Variants in DOCK2 observed in about 807,000 individuals in gnomAD.
DOCK2 encodes the protein dedicator of cytokinesis 2, also known as dedicator of cytokinesis protein 2.
DOCK2 carries 87 observed loss-of-function variants against 248.9 expected under a neutral mutation model. The ratio of observed to expected loss-of-function variants is 0.35; its 90% CI spans 0.29 to 0.42. DOCK2 has a LOEUF of 0.42. DOCK2 is among the 10% of genes least tolerant of loss of function. The probability of loss-of-function intolerance (pLI) is 1.00; values close to 1 mark genes in which losing one functional copy is unlikely to be tolerated. For synonymous variants in DOCK2, 805 were observed against 821.6 expected (o/e 0.98, Z 0.35); for missense variants, 1,747 against 2,300.2 (o/e 0.76, Z 4.92).
chr5:169,637,478 T>A (rs989998081), intron 1 of DOCK2, 109 bp downstream of exon 1: 2 of 1,208,660 alleles, frequency 1.7e-6, no homozygotes, highest in Non-Finnish European at 2.1e-6. Flanking sequence ...GCGCGCTGCC[T>A]GCAGGTCAGA....
At chr5:169,982,027 A>T (rs1288120381) in intron 27 of DOCK2, among the ~76,000 whole-genome samples, 1 of 149,920 alleles carries the variant, frequency 6.7e-6, no homozygotes, top group African/African-American at 2.5e-5. Context: ...CAAAAGAGGA[A>T]CTTTTTTATA....
At chr5:170,023,478 T>C (rs1755800464) in intron 33 of DOCK2, among the ~76,000 whole-genome samples, 1 of 152,196 alleles carries the variant, frequency 6.6e-6, no homozygotes, top group Admixed American at 6.5e-5. Context: ...CAGATAGACC[T>C]ACTTCTTATA....
In DOCK2 at chr5:169,645,395, A is replaced by T. The variant is rs944711779; in HGVS notation, c.43+8026A>T. Reference sequence around the variant, plus strand: ...GATCAGTGGTGTTGAGCGTTTTTTCATGTTTGTTGGCCACATAAATGTCTT... The same window carrying T: ...GATCAGTGGTGTTGAGCGTTTTTTCTTGTTTGTTGGCCACATAAATGTCTT... On this transcript the variant is annotated intron_variant, in intron 1 of 51. Transcript: ENST00000520908. Among the ~76,000 whole-genome samples, 39 of 152,038 alleles carry T rather than the reference A, an allele frequency of 2.6e-4. 1 individual carries two copies.
At chr5:170,020,552 C>G (rs1755685401) in intron 33 of DOCK2, among the ~76,000 whole-genome samples, 1 of 152,192 alleles carries the variant, frequency 6.6e-6, no homozygotes, top group Non-Finnish European at 1.5e-5. Context: ...TCTTTTTAAA[C>G]TACAACTCTG....
intron 27 of DOCK2, among the ~76,000 whole-genome samples, chr5:169,958,444 G>T (rs576408577): frequency 6.6e-6 from 1 of 152,284 alleles, no homozygotes; most frequent in African/African-American, 2.4e-5. Context: ...GGTTTAGAAT[G>T]TTCTGCTTGA....
chr5:169,869,159 C>G (rs1006947420), intron 27 of DOCK2, among the ~76,000 whole-genome samples: 34 of 152,230 alleles, frequency 2.2e-4, no homozygotes, highest in African/African-American at 7.5e-4. Context: ...CATCAACCTT[C>G]AGCTCTTCAG....
At chr5:169,884,475 A>C (rs759659805) in intron 27 of DOCK2, 1 of 152,236 alleles carries the variant, frequency 6.6e-6, no homozygotes, top group Non-Finnish European at 1.5e-5. Flanking sequence ...TGCTTGTTTG[A>C]TGATACATGA....
At chr5:169,995,888 T>C (rs546922489) in intron 29 of DOCK2, among the ~76,000 whole-genome samples, 198 bp from the exon 30 acceptor site, 11 of 152,374 alleles carry the variant, frequency 7.2e-5, no homozygotes, top group South Asian at 6.2e-4. Context: ...CGAACAGTTA[T>C]TGAGTTCTTG....
intron 28 of DOCK2, among the ~76,000 whole-genome samples, chr5:169,983,752 T>C (rs1245352455): frequency 6.6e-6 from 1 of 152,176 alleles, no homozygotes; most frequent in African/African-American, 2.4e-5. Flanking sequence ...GTCTTGTTGC[T>C]ACCAGGTTCA....
In DOCK2 at chr5:169,916,536, C is replaced by A. The variant is rs548773428; in HGVS notation, c.2800-66532C>A. On this transcript the variant is annotated intron_variant, in intron 27 of 51. Transcript: ENST00000520908. ...CTGCCACTGACTAGCTATTGGGCAA[C>A]CTTCCTGTGCCTCCCTTATTTATAA... 1.8e-4 allele frequency among the ~76,000 whole-genome samples: 27 copies of A among 152,312 alleles called. No individual in the cohort carries two copies. In the South Asian group the frequency reaches 5.0e-3, roughly 28 times the overall value.
intron 26 of DOCK2, among the ~76,000 whole-genome samples, chr5:169,812,655 T>C (rs947813489): frequency 6.6e-6 from 1 of 152,350 alleles, no homozygotes; most frequent in Non-Finnish European, 1.5e-5. Flanking sequence ...CAAGAACACC[T>C]GTGAAAACAT....
At chr5:169,681,607 C>A in intron 6 of DOCK2, 137 bp from the exon 7 acceptor site, 1 of 1,057,518 alleles carries the variant, frequency 9.5e-7, no homozygotes, top group Non-Finnish European at 1.4e-6. Context: ...TAGCAGTGTC[C>A]CAGGCTATCA....
intron 28 of DOCK2, among the ~76,000 whole-genome samples, chr5:169,985,377 GTGTGTGTGTGTGTGTGTA>G (rs1471134636): frequency 1.3e-5 from 2 of 150,812 alleles, no homozygotes; most frequent in African/African-American, 2.4e-5. Context: ...GTGTGTGTGT[GTGTGTGTGTGTGTGTGTA>G]TGTGTGTGAC....
At chr5:170,057,514 G>A (rs767850403) in intron 43 of DOCK2, 66 bp from the exon 44 acceptor site, 133 of 1,466,648 alleles carry the variant, frequency 9.1e-5, no homozygotes, top group Middle Eastern at 5.2e-4. Context: ...AAGCTTCTCC[G>A]ATACCCAGGT....
At chr5:170,034,331 C>T (rs761825808) in intron 34 of DOCK2, 68 bp from the exon 35 acceptor site, 99 of 1,580,370 alleles carry the variant, frequency 6.3e-5, no homozygotes, top group Admixed American at 2.1e-4. Context: ...TCCATCCCAC[C>T]GCCCACTGGC....
At chr5:169,778,063 G>A (rs1561685718) in intron 25 of DOCK2, among the ~76,000 whole-genome samples, 1 of 152,186 alleles carries the variant, frequency 6.6e-6, no homozygotes, top group Non-Finnish European at 1.5e-5. Context: ...CAGGGTTTGA[G>A]TTACTCTGTG....
chr5:169,651,751 G>T (rs927637575), intron 1 of DOCK2, among the ~76,000 whole-genome samples: 1 of 152,222 alleles, frequency 6.6e-6, no homozygotes, highest in Non-Finnish European at 1.5e-5. Context: ...ATCAGGCCAA[G>T]TGCGGAGGGA....
At chr5:169,646,518 A>G (rs1319850191) in intron 1 of DOCK2, among the ~76,000 whole-genome samples, 1 of 152,138 alleles carries the variant, frequency 6.6e-6, no homozygotes, top group African/African-American at 2.4e-5. Context: ...ACTGCATGTC[A>G]TCTTCCCCAC....
At chr5:170,019,866 C>T (rs1755661210) in intron 33 of DOCK2, among the ~76,000 whole-genome samples, 1 of 151,928 alleles carries the variant, frequency 6.6e-6, no homozygotes, top group African/African-American at 2.4e-5. Context: ...CAGGCCTCAC[C>T]CCCTGTCCTC....
Sources: gnomAD v4.1 joint callset for allele counts (sites outside exome capture counted in the v4.1 genomes callset) on GRCh38, gnomAD v4.1.1 for gene constraint, MANE v1.5 for transcripts, NCBI Gene and HGNC (gene_info 2026-07-23, HGNC 2026-07-21) for gene names.